The following LRRC4C variants were observed in gnomAD, a reference collection of about 807,000 sequenced individuals.
LRRC4C encodes the protein leucine rich repeat containing 4C, also known as leucine-rich repeat-containing protein 4C.
A neutral mutation model predicts 33.6 loss-of-function variants in LRRC4C; 5 were observed. That is an observed-to-expected ratio of 0.15 (90% CI 0.08 to 0.31). LRRC4C has a LOEUF of 0.31. Ranked by LOEUF, LRRC4C falls within the 10% of genes least tolerant of loss-of-function variation. The probability of loss-of-function intolerance (pLI) is 1.00; values close to 1 mark genes in which losing one functional copy is unlikely to be tolerated. For synonymous variants in LRRC4C, 329 were observed against 302.0 expected (o/e 1.09, Z -0.93); for missense variants, 560 against 796.7 (o/e 0.70, Z 3.58).
chr11:40,235,695 A>T (rs936965682), intron 5 of LRRC4C, among the ~76,000 whole-genome samples: 1 of 152,226 alleles, frequency 6.6e-6, no homozygotes, highest in Admixed American at 6.5e-5. Flanking sequence ...ACATATCAAC[A>T]TGACACTCAT....
chr11:40,891,100 G>A (rs1327178123), intron 2 of LRRC4C, among the ~76,000 whole-genome samples: 2 of 152,012 alleles, frequency 1.3e-5, no homozygotes, highest in Non-Finnish European at 2.9e-5. Context: ...AAACGGTAGA[G>A]GGTGCCTGGA....
chr11:40,554,643 G>C (rs562729775), intron 3 of LRRC4C, among the ~76,000 whole-genome samples: 9 of 150,954 alleles, frequency 6.0e-5, no homozygotes, highest in African/African-American at 1.9e-4. Flanking sequence ...TCTTTCAGCT[G>C]TATTTTGTAG....
intron 1 of LRRC4C, among the ~76,000 whole-genome samples, chr11:41,014,488 G>GT (rs11293192): frequency 2.7e-3 from 378 of 140,792 alleles, no homozygotes; most frequent in Admixed American, 5.9e-3. Flanking sequence ...TTCTATTGCA[G>GT]TTTTTTTTTT....
intron 1 of LRRC4C, among the ~76,000 whole-genome samples, chr11:41,213,448 TC>T (rs1447555006): frequency 1.3e-5 from 2 of 152,200 alleles, no homozygotes; most frequent in Admixed American, 6.5e-5. Context: ...GTTAGCAAAC[TC>T]GTTTTAATGT....
intron 6 of LRRC4C, 141 bp from the exon 7 acceptor site, chr11:40,116,475 T>A: frequency 1.1e-6 from 1 of 883,358 alleles, no homozygotes; most frequent in Non-Finnish European, 1.6e-6. Flanking sequence ...TATCCTTTAT[T>A]AAGCTATGTG....
intron 3 of LRRC4C, among the ~76,000 whole-genome samples, chr11:40,527,655 T>C (rs1956107144): frequency 6.6e-6 from 1 of 152,172 alleles, no homozygotes. Context: ...TGAATTTGTC[T>C]TTGGAAAAGC....
In LRRC4C at chr11:40,195,760, T is replaced by G. The variant is rs1417067811; in HGVS notation, c.-96+45759A>C. ...GTGATTGTCAAAAAAAAAAAAAGAT[T>G]TCCTTGACTTCCAGAGGGCAAAGAA... On this transcript the variant is annotated intron_variant, in intron 5 of 6. Coordinates refer to ENST00000528697, the MANE Select transcript of LRRC4C (RefSeq NM_001258419.2). Among the ~76,000 whole-genome samples the G allele has an allele frequency of 5.3e-5, 8 of 152,232 alleles. No individual in the cohort carries two copies. The South Asian group carries it at 1.5e-3, about 28-fold the overall frequency.
chr11:40,637,541 C>G (rs142998310), intron 3 of LRRC4C, among the ~76,000 whole-genome samples: 1 of 152,308 alleles, frequency 6.6e-6, no homozygotes, highest in Non-Finnish European at 1.5e-5. Context: ...CCTTATCTTT[C>G]ACTCCAAATC....
intron 5 of LRRC4C, among the ~76,000 whole-genome samples, chr11:40,193,322 T>G (rs1861999905): frequency 6.6e-6 from 1 of 151,938 alleles, no homozygotes; most frequent in African/African-American, 2.4e-5. Flanking sequence ...GGGTCTGGAG[T>G]GGACCTCCAG....
At chr11:41,135,923 G>A (rs1243446612) in intron 1 of LRRC4C, among the ~76,000 whole-genome samples, 2 of 152,152 alleles carry the variant, frequency 1.3e-5, no homozygotes, top group African/African-American at 2.4e-5. Context: ...GGTTCCATGA[G>A]TGCATGCCCT....
chr11:40,832,547 C>T (rs1351845532), intron 2 of LRRC4C, among the ~76,000 whole-genome samples: 1 of 152,000 alleles, frequency 6.6e-6, no homozygotes, highest in African/African-American at 2.4e-5. Flanking sequence ...ATCAGAAGTG[C>T]CTTGAGGACA....
At chr11:40,410,091 TACA>T (rs1240487453) in intron 3 of LRRC4C, among the ~76,000 whole-genome samples, 4 of 152,002 alleles carry the variant, frequency 2.6e-5, no homozygotes, top group Non-Finnish European at 4.4e-5. Flanking sequence ...TGTATCACAC[TACA>T]ACGACAGAGT....
chr11:40,465,905 C>T (rs1253423349), intron 3 of LRRC4C, among the ~76,000 whole-genome samples: 1 of 151,996 alleles, frequency 6.6e-6, no homozygotes, highest in Non-Finnish European at 1.5e-5. Flanking sequence ...ACCATTTGAT[C>T]CAGCAATTCC....
intron 1 of LRRC4C, among the ~76,000 whole-genome samples, chr11:40,981,330 C>T (rs1852519478): frequency 6.6e-6 from 1 of 151,928 alleles, no homozygotes; most frequent in Non-Finnish European, 1.5e-5. Flanking sequence ...AGGAGAATCG[C>T]TTGAGCCCGG....
intron 3 of LRRC4C, among the ~76,000 whole-genome samples, chr11:40,612,001 A>C (rs552052178): frequency 5.3e-5 from 8 of 151,892 alleles, no homozygotes; most frequent in African/African-American, 1.9e-4. Flanking sequence ...AATACTAAAA[A>C]TAAAACGACC....
chr11:40,983,846 T>C (rs1852719674), intron 1 of LRRC4C, among the ~76,000 whole-genome samples: 1 of 152,128 alleles, frequency 6.6e-6, no homozygotes, highest in Non-Finnish European at 1.5e-5. Flanking sequence ...AACTGAAATT[T>C]CTATATTGAT....
intron 1 of LRRC4C, among the ~76,000 whole-genome samples, chr11:41,397,293 C>T (rs1187197069): frequency 6.6e-6 from 1 of 151,946 alleles, no homozygotes; most frequent in African/African-American, 2.4e-5. Context: ...TTTGCCCTTG[C>T]CACCACTGAA....
At chr11:40,275,486 G>T (rs1006424853) in intron 4 of LRRC4C, among the ~76,000 whole-genome samples, 9 of 152,206 alleles carry the variant, frequency 5.9e-5, no homozygotes, top group South Asian at 2.1e-4. Context: ...GAAGCACAAC[G>T]GAGCCCACAG....
Position 41,304,524 on chromosome 11 carries a change from G to A in LRRC4C, c.-496+154907C>T, listed in dbSNP as rs1396331293. On this transcript the variant is annotated intron_variant, in intron 1 of 6. Transcript: ENST00000528697. The stretch of plus-strand genomic sequence containing the variant: ...CAGCCGCCCCGTCCGGGAGGGAGGT[G>A]GGGGTATCAGCCCCCCGCCCGGCCA... 8.6e-5 allele frequency among the ~76,000 whole-genome samples: 10 copies of A among 116,130 alleles called. No individual in the cohort carries two copies. The East Asian group carries it at 3.0e-3, about 35-fold the overall frequency. 76.2% of individuals were successfully genotyped at this position (116,130 alleles called of 152,430 possible).
Sources: allele counts gnomAD v4.1 joint callset (sites outside exome capture counted in the v4.1 genomes callset), GRCh38; gene constraint gnomAD v4.1.1; transcripts MANE v1.5; gene names NCBI Gene and HGNC (gene_info 2026-07-23, HGNC 2026-07-21).